Variants in PARD3 observed in about 807,000 individuals in gnomAD.
PARD3 encodes partitioning defective 3 homolog.
Under a neutral mutation model 155.4 loss-of-function variants are expected in PARD3, and 75 were observed. The observed-to-expected ratio is 0.48, with a 90% confidence interval of 0.40 to 0.58. The LOEUF (loss-of-function observed/expected upper bound fraction) is 0.58, where lower values mean the gene tolerates loss of function less well. Among genes scored for constraint, PARD3 ranks in the 20% least tolerant of loss-of-function variants. The pLI, the probability that PARD3 is intolerant of heterozygous loss-of-function variation, is 0.00. For missense variants in PARD3, 1,642 were observed against 1,721.7 expected, an observed-to-expected ratio of 0.95 and a Z score of 0.82; for synonymous variants, 576 against 610.5, an observed-to-expected ratio of 0.94 and a Z score of 0.83.
At position 34,337,357 on chromosome 10, in the gene PARD3, T is replaced by G; in HGVS notation, c.2478A>C (p.Ser826=). ...QREGFGRQSM[S]EKRTKQFSDA... ...CTGAAAATTGCTTTGTGCGTTTTTCTGACATACTCTGACGTCCAAATCCTT... is the reference window on the plus strand; with the variant it reads ...CTGAAAATTGCTTTGTGCGTTTTTCGGACATACTCTGACGTCCAAATCCTT... The change falls in exon 17 of 25, where the codon TCA becomes TCC. Residue 826 remains serine, a synonymous_variant. Coordinates refer to ENST00000374788, the MANE Select transcript of PARD3 (RefSeq NM_001184785.2). The G allele has an allele frequency of 6.2e-7, 1 of 1,603,416 alleles. No homozygotes were observed.
intron 5 of PARD3, among the ~76,000 whole-genome samples, chr10:34,439,654 A>G (rs1334966120): frequency 6.6e-6 from 1 of 151,996 alleles, no homozygotes; most frequent in Non-Finnish European, 1.5e-5. Context: ...ACAGGGTTTC[A>G]TCATGTTGGC....
In PARD3 at chr10:34,467,277, A is replaced by G. The variant is rs559093556; in HGVS notation, c.582+2808T>C. On this transcript the variant is annotated intron_variant, in intron 4 of 24. Coordinates refer to ENST00000374788, the MANE Select transcript of PARD3 (RefSeq NM_001184785.2). ...AGGGAAAATCCCTATTGTACGAAAA[A>G]TAATGTTGAAATAATCAGGATGCAA... is the stretch of plus-strand genomic sequence containing the variant. Among the ~76,000 whole-genome samples the G allele has an allele frequency of 2.0e-4, 30 of 152,054 alleles. 1 individual carries two copies. The highest frequency in any genetic ancestry group is 7.2e-4 in the African/African-American group (30 of 41,404).
At chr10:34,276,065 G>A (rs1955862697) in intron 21 of PARD3, among the ~76,000 whole-genome samples, 2 of 152,086 alleles carry the variant, frequency 1.3e-5, no homozygotes, top group African/African-American at 2.4e-5. Flanking sequence ...CTGAAGTTCA[G>A]ATTATCACAG....
At chr10:34,278,690 G>T (rs1202949135) in intron 21 of PARD3, among the ~76,000 whole-genome samples, 1 of 152,132 alleles carries the variant, frequency 6.6e-6, no homozygotes, top group African/African-American at 2.4e-5. Context: ...TGCCATGATT[G>T]TAAGTTTCCT....
intron 22 of PARD3, among the ~76,000 whole-genome samples, chr10:34,218,775 A>C (rs1952136034): frequency 7.0e-6 from 1 of 143,866 alleles, no homozygotes; most frequent in Admixed American, 7.1e-5. Context: ...GAAATGGGGG[A>C]TGGGACATGG....
chr10:34,359,917 C>G (rs1390801737), intron 13 of PARD3, among the ~76,000 whole-genome samples, 154 bp downstream of exon 13: 3 of 152,180 alleles, frequency 2.0e-5, no homozygotes, highest in African/African-American at 7.2e-5. Context: ...CCCCACGTGA[C>G]ACATCACTGA....
chr10:34,229,702 A>G (rs1384184780), intron 22 of PARD3, among the ~76,000 whole-genome samples: 1 of 151,414 alleles, frequency 6.6e-6, no homozygotes, highest in East Asian at 1.9e-4. Flanking sequence ...CCTGCTCAAA[A>G]ACTCCAGGTC....
chr10:34,317,312 T>C lies in PARD3; in HGVS notation c.2860A>G (p.Arg954Gly). 1 of 1,608,410 alleles carries C rather than the reference T, an allele frequency of 6.2e-7. No individual in the cohort carries two copies. The highest frequency in any genetic ancestry group is 8.5e-7 in the Non-Finnish European group (1 of 1,178,418). The change falls in exon 20 of 25, where the codon AGA becomes GGA. Residue 954 changes from arginine (R) to glycine (G), a missense_variant. Physicochemically the swap from Arg to Gly is moderately radical, Grantham distance 125. This residue lies in a region of PARD3 where 1,529 missense variants were observed against 1,587.3 expected (regional missense o/e 0.96). Coordinates refer to ENST00000374788, the MANE Select transcript of PARD3 (RefSeq NM_001184785.2). ...GTGGATACAGACTCTCTCCCTGATC[T>C]TGAACTTTCTTCTGTGTCTTCTTCC... ...TLEEDTEESS[R>G]SGRESVSTAS...
intron 7 of PARD3, among the ~76,000 whole-genome samples, chr10:34,393,575 GAA>G (rs1229626429): frequency 7.2e-6 from 1 of 139,302 alleles, no homozygotes; most frequent in African/African-American, 2.6e-5. Flanking sequence ...ATCTCAAAAG[GAA>G]AAAAAAAAAA....
At chr10:34,161,770 T>TA (rs1949295579) in intron 22 of PARD3, among the ~76,000 whole-genome samples, 1 of 152,168 alleles carries the variant, frequency 6.6e-6, no homozygotes, top group African/African-American at 2.4e-5. Context: ...ACCCATTCAT[T>TA]AAAGATGCCC....
At chr10:34,271,212 AATCAGATAAAGAC>A (rs1406560919) in intron 21 of PARD3, among the ~76,000 whole-genome samples, 5 of 152,220 alleles carry the variant, frequency 3.3e-5, no homozygotes, top group Admixed American at 2.0e-4. Flanking sequence ...AAGATACCAA[AATCAGATAAAGAC>A]AGCAGCAAAG....
At chr10:34,665,840 A>AAGAACAGAAC (rs60764123) in intron 2 of PARD3, among the ~76,000 whole-genome samples, 18,439 of 136,588 alleles carry the variant, frequency 0.13, 1,516 homozygotes, top group Non-Finnish European at 0.16. Flanking sequence ...GTCTCAATTA[A>AAGAACAGAAC]AGAACAGAAC....
intron 5 of PARD3, among the ~76,000 whole-genome samples, chr10:34,403,188 G>T (rs1844083554): frequency 6.6e-6 from 1 of 152,102 alleles, no homozygotes; most frequent in Admixed American, 6.6e-5. Flanking sequence ...TTTCTTAGAG[G>T]TTTATATGTA....
At chr10:34,295,655 G>A (rs1458916437) in intron 20 of PARD3, among the ~76,000 whole-genome samples, 1 of 152,140 alleles carries the variant, frequency 6.6e-6, no homozygotes, top group African/African-American at 2.4e-5. Context: ...CTTTTCCCTG[G>A]CTGCAGGTGG....
intron 1 of PARD3, among the ~76,000 whole-genome samples, chr10:34,739,639 G>C (rs548119844): frequency 6.6e-6 from 1 of 152,262 alleles, no homozygotes; most frequent in East Asian, 1.9e-4. Context: ...CTATTGCTAT[G>C]AACCACCTTG....
At chr10:34,538,057 A>G (rs1015773150) in intron 2 of PARD3, among the ~76,000 whole-genome samples, 5 of 152,264 alleles carry the variant, frequency 3.3e-5, no homozygotes, top group African/African-American at 1.2e-4. Flanking sequence ...ATAAATGAAC[A>G]AAACAGAATA....
chr10:34,230,737 TA>T (rs1349287808), intron 22 of PARD3, among the ~76,000 whole-genome samples: 1 of 151,972 alleles, frequency 6.6e-6, no homozygotes, highest in East Asian at 1.9e-4. Context: ...AAAAACAAAC[TA>T]GGGGCTGGGA....
chr10:34,185,890 G>C (rs1950471782), intron 22 of PARD3, among the ~76,000 whole-genome samples: 1 of 149,652 alleles, frequency 6.7e-6, no homozygotes, highest in East Asian at 1.9e-4. Context: ...ACATTATATT[G>C]CAGAGTTTTA....
chr10:34,632,671 A>G (rs1252305708), intron 2 of PARD3, among the ~76,000 whole-genome samples: 1 of 152,244 alleles, frequency 6.6e-6, no homozygotes, highest in African/African-American at 2.4e-5. Flanking sequence ...GTATATTTTG[A>G]AAATAAGAAT....
Sources: gnomAD v4.1 joint callset for allele counts (sites outside exome capture counted in the v4.1 genomes callset) on GRCh38, gnomAD v4.1.1 for gene constraint, gnomAD v4.1.1 regional missense constraint, MANE v1.5 for transcripts, NCBI Gene and HGNC (gene_info 2026-07-23, HGNC 2026-07-21) for gene names.